The following UNC45B variants were observed in gnomAD, a reference collection of about 807,000 sequenced individuals.
UNC45B encodes protein unc-45 homolog B.
Under a neutral mutation model 98.7 loss-of-function variants are expected in UNC45B, and 78 were observed. The ratio of observed to expected loss-of-function variants is 0.79; its 90% confidence interval spans 0.66 to 0.95. UNC45B has a LOEUF of 0.95. Among genes scored for constraint, UNC45B ranks in the 40% least tolerant of loss-of-function variants. The pLI is 0.00. For synonymous variants in UNC45B, 462 were observed against 480.4 expected (o/e 0.96, Z 0.50); for missense variants, 1,225 against 1,184.9 (o/e 1.03, Z -0.50).
Position 35,174,265 on chromosome 17 carries a change from G to A in UNC45B, c.1854G>A (p.Met618Ile), listed in dbSNP as rs780561364. Residue 618 changes from methionine (M) to isoleucine (I), a missense_variant, in exon 14 of 20, where the codon ATG becomes ATA. Physicochemically the swap from Met to Ile is conservative, Grantham distance 10. Coordinates refer to ENST00000394570, the MANE Select transcript of UNC45B (RefSeq NM_001267052.2). Reference protein sequence around the residue: ...HPKDKKDFIDMRVKRLLKAGV... With the variant: ...HPKDKKDFIDIRVKRLLKAGV... ...AGGACAAGAAGGACTTTATAGACAT[G>A]CGGGTGAAGCGGCTTCTGAAGGCGG... 6.2e-7 allele frequency: 1 copy of A among 1,614,164 alleles called. No individual in the cohort carries two copies. The highest frequency in any genetic ancestry group is 8.5e-7 in the Non-Finnish European group (1 of 1,180,022).
chr17:35,163,289 G>A (rs1160683316), intron 8 of UNC45B, among the ~76,000 whole-genome samples: 1 of 152,116 alleles, frequency 6.6e-6, no homozygotes, highest in Non-Finnish European at 1.5e-5. Context: ...ATCTTCATAT[G>A]TCAGTTTTCC....
Position 35,152,775 on chromosome 17 carries a change from G to A in UNC45B, c.382-118G>A, listed in dbSNP as rs902353288. ...ATGTTTGTCGAATGAATACATGAAT[G>A]AACGTATGTGCGGGAGCCCAGAGTA... is the stretch of plus-strand genomic sequence containing the variant. On this transcript the variant is annotated intron_variant, in intron 4 of 19. Transcript: ENST00000394570. The A allele has an allele frequency of 3.9e-6, 3 of 777,588 alleles. No individual in the cohort carries two copies. The Admixed American group carries it at 5.2e-5, about 13-fold the overall frequency. The allele number at this position is 777,588 out of a possible 1,614,324, so 48.2% of individuals were successfully genotyped here.
chr17:35,150,904 C>A (rs1444709576), intron 4 of UNC45B, among the ~76,000 whole-genome samples: 1 of 151,972 alleles, frequency 6.6e-6, no homozygotes, highest in South Asian at 2.1e-4. Context: ...AGAGCCAGGC[C>A]CCATTAGGAG....
chr17:35,178,298 A>G (rs2092250173), intron 17 of UNC45B, among the ~76,000 whole-genome samples: 1 of 152,194 alleles, frequency 6.6e-6, no homozygotes, highest in South Asian at 2.1e-4. Context: ...ACCAGTGATG[A>G]TGAGCATTTT....
At chr17:35,174,105 C>A in intron 13 of UNC45B, 137 bp from the exon 14 acceptor site, 1 of 1,266,436 alleles carries the variant, frequency 7.9e-7, no homozygotes, top group Non-Finnish European at 1.1e-6. Context: ...GCCACTGTGC[C>A]TGGCCAGGCC....
chr17:35,149,954 G>T, intron 3 of UNC45B, 94 bp from the exon 4 acceptor site: 1 of 1,336,996 alleles, frequency 7.5e-7, no homozygotes, highest in Non-Finnish European at 1.0e-6. Context: ...ACACAGAAAC[G>T]AAGCAAGAGC....
At chr17:35,156,112 G>A (rs1449811318) in intron 7 of UNC45B, among the ~76,000 whole-genome samples, 1 of 152,136 alleles carries the variant, frequency 6.6e-6, no homozygotes, top group African/African-American at 2.4e-5. Context: ...GACAAATACT[G>A]CATGAATCCA....
intron 14 of UNC45B, 58 bp from the exon 15 acceptor site, chr17:35,175,910 G>A: frequency 6.5e-7 from 1 of 1,544,754 alleles, no homozygotes; most frequent in Non-Finnish European, 8.9e-7. Flanking sequence ...TGCTGCTGCT[G>A]CTGCCTGGGA....
Position 35,155,388 on chromosome 17 carries a change from G to C in UNC45B, c.732G>C (p.Leu244=). 2.5e-6 allele frequency: 4 copies of C among 1,614,202 alleles called. No individual in the cohort carries two copies. The highest frequency in any genetic ancestry group is 3.4e-6 in the Non-Finnish European group (4 of 1,180,040). ...NEEMSLAVCN[L]LQAIIDSLSG... ...AGATGTCTCTGGCTGTCTGCAACCT[G>C]CTCCAAGCCATCATTGACTCCTTGT... Residue 244 remains leucine (L), a synonymous_variant, in exon 7 of 20, where the codon CTG becomes CTC. Coordinates refer to ENST00000394570, the MANE Select transcript of UNC45B (RefSeq NM_001267052.2).
chr17:35,157,953 C>A (rs1055213718), intron 7 of UNC45B, among the ~76,000 whole-genome samples: 2 of 152,136 alleles, frequency 1.3e-5, no homozygotes, highest in African/African-American at 2.4e-5. Flanking sequence ...AATCACAGCT[C>A]ACTGCAGCCT....
At chr17:35,177,835 C>CT (rs1670772782) in intron 17 of UNC45B, among the ~76,000 whole-genome samples, 1 of 148,860 alleles carries the variant, frequency 6.7e-6, no homozygotes, top group Non-Finnish European at 1.5e-5. Flanking sequence ...CTTTTCTTTT[C>CT]TTTTGTCTTT....
At chr17:35,154,841 A>G in intron 6 of UNC45B, 100 bp downstream of exon 6, 1 of 1,317,710 alleles carries the variant, frequency 7.6e-7, no homozygotes, top group Non-Finnish European at 9.9e-7. Flanking sequence ...CAATGGAACC[A>G]GATAAAAAGT....
chr17:35,154,813 C>T, intron 6 of UNC45B, 72 bp downstream of exon 6: 1 of 1,459,952 alleles, frequency 6.8e-7, no homozygotes, highest in Non-Finnish European at 9.0e-7. Flanking sequence ...GACGTGTGGT[C>T]AGGGCTGTGG....
chr17:35,154,703 C>T lies in UNC45B; in HGVS notation c.601C>T (p.Arg201Trp), dbSNP rs575056526. The change falls in exon 6 of 20, where the codon CGG becomes TGG. Residue 201 changes from arginine to tryptophan, a missense_variant. Coordinates refer to ENST00000394570, the MANE Select transcript of UNC45B (RefSeq NM_001267052.2). ...GCCTGAGCTGGTGCTGGCTGCAGTG[C>T]GGACCCTGTCGGGCATGTGCAGCGG... is the stretch of plus-strand genomic sequence containing the variant. ...KKPELVLAAV[R>W]TLSGMCSGHQ... 5.6e-6 allele frequency: 9 copies of T among 1,606,106 alleles called. No individual in the cohort carries two copies. Among genetic ancestry groups the T allele is most frequent in the Admixed American group, 1.7e-5 (1 of 58,048 alleles).
In UNC45B at chr17:35,154,468, T is replaced by G. The variant is rs376475646; in HGVS notation, c.472-106T>G. On this transcript the variant is annotated intron_variant, in intron 5 of 19. Transcript: ENST00000394570. The stretch of plus-strand genomic sequence containing the variant: ...ACCAAGGTGAGATAATAGAACAATG[T>G]TCTGAAGATCCAGTCTTTGCACTGG... 393 of 1,030,828 alleles carry G rather than the reference T, an allele frequency of 3.8e-4. 2 individuals are homozygous for G. In the African/African-American group the frequency reaches 6.0e-3, roughly 16 times the overall value. 63.9% of individuals were successfully genotyped at this position (1,030,828 alleles called of 1,614,324 possible).
chr17:35,169,197 A>T (rs1225052745), intron 10 of UNC45B, among the ~76,000 whole-genome samples: 1 of 150,520 alleles, frequency 6.6e-6, no homozygotes, highest in African/African-American at 2.5e-5. Context: ...CTGCCACCAC[A>T]CCCTGCTAAT....
At position 35,154,268 on chromosome 17, in the gene UNC45B, A is replaced by T. The variant is rs77096411; in HGVS notation, c.472-306A>T. On this transcript the variant is annotated intron_variant, in intron 5 of 19. Coordinates refer to ENST00000394570, the MANE Select transcript of UNC45B (RefSeq NM_001267052.2). ...ACATCTTTATTTTAACATAAGTGCA[A>T]TTGGAGTAAACATTTGATCCTGATT... Among the ~76,000 whole-genome samples, 12,657 of 152,228 alleles carry T rather than the reference A, an allele frequency of 0.083. 698 individuals are homozygous for T. The highest frequency in any genetic ancestry group is 0.18 in the East Asian group (944 of 5,182).
chr17:35,186,554 T>G lies in UNC45B; in HGVS notation c.2785T>G (p.Ser929Ala). The change falls in exon 20 of 20, where the codon TCT becomes GCT. Residue 929 changes from serine (S) to alanine (A), a missense_variant. By Grantham distance (99) the Ser-to-Ala change is moderately conservative. Transcript: ENST00000394570. The stretch of plus-strand genomic sequence containing the variant: ...GGATTATGGTTTCATTAAACCAGTG[T>G]CTTAGACAGCGACCCTCAGGGATGC... ...CMDYGFIKPVS is the reference protein window; with the variant it reads ...CMDYGFIKPVA 6.2e-7 allele frequency: 1 copy of G among 1,614,136 alleles called. No homozygotes were observed. The highest frequency in any genetic ancestry group is 8.5e-7 in the Non-Finnish European group (1 of 1,179,970).
At chr17:35,181,160 T>C (rs1203433845) in intron 18 of UNC45B, among the ~76,000 whole-genome samples, 2 of 152,206 alleles carry the variant, frequency 1.3e-5, no homozygotes, top group East Asian at 3.8e-4. Context: ...TGCAATGCAA[T>C]ATAACTGTAC....
Sources: gnomAD v4.1 joint callset for allele counts (sites outside exome capture counted in the v4.1 genomes callset) on GRCh38, gnomAD v4.1.1 for gene constraint, MANE v1.5 for transcripts, NCBI Gene and HGNC (gene_info 2026-07-23, HGNC 2026-07-21) for gene names.